The following KLHL13 variants were observed in gnomAD, a reference collection of about 807,000 sequenced individuals.
KLHL13 encodes the protein kelch like family member 13.
In KLHL13, 10 loss-of-function variants were observed where a neutral mutation model predicts 37.1. That is an observed-to-expected ratio of 0.27 (90% CI 0.17 to 0.46). The LOEUF is 0.46. Ranked by LOEUF, KLHL13 falls within the 20% of genes least tolerant of loss-of-function variation. The pLI is 1.00. For missense variants in KLHL13, 360 were observed against 509.3 expected, an observed-to-expected ratio of 0.71 and a Z score of 2.82; for synonymous variants, 163 against 181.2, an observed-to-expected ratio of 0.90 and a Z score of 0.81.
chrX:118,099,950 A>AAGGAAGGAAGGAAGGAAGGAAG (rs2055269516), intron 1 of KLHL13, among the ~76,000 whole-genome samples: 1 of 99,167 alleles, frequency 1.0e-5, no homozygotes, highest in African/African-American at 5.1e-5. Context: ...AAGGAAGGAA[A>AAGGAAGGAAGGAAGGAAGGAAG]GGAAGACACC....
intron 1 of KLHL13, among the ~76,000 whole-genome samples, chrX:118,080,521 A>G (rs1342465794): frequency 8.9e-6 from 1 of 111,883 alleles, no homozygotes; most frequent in African/African-American, 3.2e-5. Flanking sequence ...AATGCTCATC[A>G]CTAATCATCA....
At chrX:118,098,942 G>A (rs189550648) in intron 1 of KLHL13, among the ~76,000 whole-genome samples, 4,329 of 71,574 alleles carry the variant, frequency 0.06, 163 homozygotes, top group Middle Eastern at 0.13. Flanking sequence ...GGGGAAGGGG[G>A]GTGGGGGAAG....
At chrX:118,070,984 C>T (rs1378085490) in intron 1 of KLHL13, among the ~76,000 whole-genome samples, 1 of 107,997 alleles carries the variant, frequency 9.3e-6, no homozygotes, top group African/African-American at 3.4e-5. Flanking sequence ...TCAGTTCCCA[C>T]CTATGAGTGA....
chrX:118,113,955 T>C (rs2055439703), intron 1 of KLHL13, among the ~76,000 whole-genome samples: 1 of 112,368 alleles, frequency 8.9e-6, no homozygotes, highest in African/African-American at 3.2e-5. Context: ...AAAAACCTGA[T>C]TGTTATGAAT....
chrX:117,942,879 T>C lies in KLHL13; in HGVS notation c.240+2555A>G, dbSNP rs772911444. On this transcript the variant is annotated intron_variant, in intron 2 of 6. Coordinates refer to ENST00000262820, the Ensembl canonical transcript of KLHL13. ...CTGATCCTGTCATTATGATGCTAGCTAGTTATTTTGCCCCTTTATTGATGC... is the reference window on the plus strand; with the variant it reads ...CTGATCCTGTCATTATGATGCTAGCCAGTTATTTTGCCCCTTTATTGATGC... 5.4e-5 allele frequency among the ~76,000 whole-genome samples: 6 copies of C among 111,464 alleles called. No homozygotes were observed. In the South Asian group the frequency reaches 2.3e-3, roughly 43 times the overall value.
At chrX:117,962,574 T>A (rs2053322283) in intron 1 of KLHL13, among the ~76,000 whole-genome samples, 1 of 111,626 alleles carries the variant, frequency 9.0e-6, no homozygotes, top group Admixed American at 9.5e-5. Context: ...CAAGTAAAGA[T>A]AATTGCCTCA....
intron 1 of KLHL13, among the ~76,000 whole-genome samples, chrX:118,094,374 G>C (rs1291854395): frequency 9.0e-6 from 1 of 111,428 alleles, no homozygotes; most frequent in African/African-American, 3.3e-5. Context: ...AAGCCTTCAA[G>C]AAATATGGGA....
At chrX:118,008,389 A>G (rs1028119601) in intron 1 of KLHL13, among the ~76,000 whole-genome samples, 2 of 112,119 alleles carry the variant, frequency 1.8e-5, no homozygotes, top group African/African-American at 6.5e-5. Context: ...GCTTGGCCTT[A>G]GGGTAAACGC....
In KLHL13 at chrX:117,918,670, C is replaced by G. The variant is rs142576533; in HGVS notation, c.570+851G>C. On this transcript the variant is annotated intron_variant, in intron 4 of 6. Coordinates refer to ENST00000262820, the Ensembl canonical transcript of KLHL13. ...AACACTCTCTTCAGGAACTGGGTGA[C>G]TATCATTAAGTACTCCATCGATTGG... is the stretch of plus-strand genomic sequence containing the variant. Among the ~76,000 whole-genome samples, 787 of 111,555 alleles carry G rather than the reference C, an allele frequency of 7.1e-3. 6 individuals carry two copies. Among genetic ancestry groups the G allele is most frequent in the African/African-American group, 0.023 (695 of 30,720 alleles).
chrX:117,905,512 C>T, intron 5 of KLHL13, among the ~76,000 whole-genome samples: 1 of 111,576 alleles, frequency 9.0e-6, no homozygotes, highest in South Asian at 3.7e-4. Context: ...CGTGCACACA[C>T]ACACACACAC....
intron 1 of KLHL13, among the ~76,000 whole-genome samples, chrX:117,982,041 T>C (rs1457030936): frequency 9.1e-6 from 1 of 110,457 alleles, no homozygotes; most frequent in Non-Finnish European, 1.9e-5. Context: ...AGTGAGTTAT[T>C]TCAGTCATCA....
intron 1 of KLHL13, among the ~76,000 whole-genome samples, chrX:118,081,201 C>A (rs960329661): frequency 5.4e-5 from 6 of 111,374 alleles, no homozygotes; most frequent in Non-Finnish European, 1.1e-4. Context: ...ATGTAACAAA[C>A]CTGCATATGT....
intron 4 of KLHL13, chrX:117,914,275 A>C (rs961069004): frequency 2.8e-5 from 3 of 107,845 alleles, no homozygotes; most frequent in African/African-American, 1.0e-4. Flanking sequence ...AGTCAAAGTG[A>C]AGAAGGAACA....
chrX:118,053,845 GAGAGGAGAGA>G (rs2054652761), intron 1 of KLHL13, among the ~76,000 whole-genome samples: 4 of 25,121 alleles, frequency 1.6e-4, no homozygotes, highest in Non-Finnish European at 2.3e-4. Context: ...GAGAGAGAGA[GAGAGGAGAGA>G]GAGAGAGAGA....
At position 117,920,388 on chromosome X, in the gene KLHL13, G is replaced by A. The variant is rs756622568; in HGVS notation, c.241-18C>T. On this transcript the variant is annotated intron_variant, in intron 2 of 6. Coordinates refer to ENST00000262820, the Ensembl canonical transcript of KLHL13. Reference sequence around the variant, plus strand: ...TCAAAGCCCTACAACAAGAACATGAGTTGAGTCACTAATCAAGGTAAAATG... The same window carrying A: ...TCAAAGCCCTACAACAAGAACATGAATTGAGTCACTAATCAAGGTAAAATG... The A allele has an allele frequency of 2.5e-6, 3 of 1,197,285 alleles. No homozygotes were observed. Among genetic ancestry groups the A allele is most frequent in the East Asian group, 3.0e-5 (1 of 33,244 alleles).
At chrX:117,969,808 T>C (rs1467182903) in intron 1 of KLHL13, among the ~76,000 whole-genome samples, 1 of 111,924 alleles carries the variant, frequency 8.9e-6, no homozygotes, top group Non-Finnish European at 1.9e-5. Context: ...TTATACTATA[T>C]AAGATGCTAT....
chrX:118,006,202 A>G (rs777245663), intron 1 of KLHL13, among the ~76,000 whole-genome samples: 1 of 112,044 alleles, frequency 8.9e-6, no homozygotes, highest in East Asian at 2.8e-4. Context: ...TATTTTACAT[A>G]CAAAAATGGT....
chrX:117,939,567 G>A (rs942813820), intron 2 of KLHL13, among the ~76,000 whole-genome samples: 2 of 112,046 alleles, frequency 1.8e-5, no homozygotes, highest in African/African-American at 3.2e-5. Context: ...CAGAGTAAAC[G>A]TGTTCCTATT....
intron 1 of KLHL13, among the ~76,000 whole-genome samples, chrX:117,992,983 C>G (rs2053811820): frequency 8.9e-6 from 1 of 111,936 alleles, no homozygotes; most frequent in Non-Finnish European, 1.9e-5. Context: ...TTCTCACCTT[C>G]AAGGTGGACA....
Sources: gnomAD v4.1 joint callset for allele counts (sites outside exome capture counted in the v4.1 genomes callset) on GRCh38, gnomAD v4.1.1 for gene constraint, MANE v1.5 for transcripts, NCBI Gene and HGNC (gene_info 2026-07-23, HGNC 2026-07-21) for gene names.